KCNIP4: variants seen among roughly 807,000 people sequenced by gnomAD.
KCNIP4 encodes potassium voltage-gated channel interacting protein 4.
In KCNIP4, 12 loss-of-function variants were observed where a neutral mutation model predicts 34.0. The observed-to-expected ratio is 0.35, with a 90% CI of 0.23 to 0.57. The LOEUF (loss-of-function observed/expected upper bound fraction) is 0.57, where lower values mean the gene tolerates loss of function less well. Ranked by LOEUF, KCNIP4 falls within the 20% of genes least tolerant of loss-of-function variation. The probability of loss-of-function intolerance (pLI) is 0.83; values close to 1 mark genes in which losing one functional copy is unlikely to be tolerated. For synonymous variants in KCNIP4, 124 were observed against 102.2 expected, an observed-to-expected ratio of 1.21 and a Z score of -1.29; for missense variants, 238 against 311.7, an observed-to-expected ratio of 0.76 and a Z score of 1.78.
At chr4:20,889,851 C>T (rs983546257) in intron 1 of KCNIP4, among the ~76,000 whole-genome samples, 1 of 150,392 alleles carries the variant, frequency 6.6e-6, no homozygotes, top group Non-Finnish European at 1.5e-5. Flanking sequence ...ACTAACATAA[C>T]ACTTTAAAGA....
At chr4:21,687,034 T>C (rs905481935) in intron 1 of KCNIP4, among the ~76,000 whole-genome samples, 9 of 146,722 alleles carry the variant, frequency 6.1e-5, no homozygotes, top group African/African-American at 2.0e-4. Flanking sequence ...ATGGATGAAA[T>C]TGGAAATCAT....
chr4:20,978,075 G>T (rs1735662360), intron 1 of KCNIP4, among the ~76,000 whole-genome samples: 1 of 152,104 alleles, frequency 6.6e-6, no homozygotes, highest in Non-Finnish European at 1.5e-5. Context: ...AGAATTGAAA[G>T]TGTTGCTTTT....
intron 1 of KCNIP4, among the ~76,000 whole-genome samples, chr4:20,964,199 G>A (rs1039512482): frequency 6.6e-6 from 1 of 152,106 alleles, no homozygotes; most frequent in South Asian, 2.1e-4. Flanking sequence ...AGAAGCTTGA[G>A]TTTCAGGAAA....
At chr4:20,809,254 A>T (rs1292011108) in intron 3 of KCNIP4, among the ~76,000 whole-genome samples, 1 of 152,206 alleles carries the variant, frequency 6.6e-6, no homozygotes, top group Non-Finnish European at 1.5e-5. Flanking sequence ...TTTTTTAAAG[A>T]AGAAATGCAA....
intron 1 of KCNIP4, among the ~76,000 whole-genome samples, chr4:21,244,666 A>AAT (rs1031563707): frequency 5.3e-5 from 8 of 152,218 alleles, no homozygotes; most frequent in Admixed American, 6.5e-5. Context: ...TGATTCTAAA[A>AAT]ATATTTCTTT....
In KCNIP4 at chr4:21,785,825, T is replaced by A. The variant is rs570402116; in HGVS notation, c.61+162746A>T. 2.2e-4 allele frequency among the ~76,000 whole-genome samples: 34 copies of A among 152,354 alleles called. No homozygotes were observed. The South Asian group carries it at 6.0e-3, about 27-fold the overall frequency. ...CAAACAATATTTCATTGTACGGATA[T>A]GTCACATTTTATTTATCCATTCGTC... On this transcript the variant is annotated intron_variant, in intron 1 of 8. Coordinates refer to ENST00000382152, the MANE Select transcript of KCNIP4 (RefSeq NM_025221.6).
At chr4:21,269,105 G>C (rs1012348267) in intron 1 of KCNIP4, among the ~76,000 whole-genome samples, 1 of 152,170 alleles carries the variant, frequency 6.6e-6, no homozygotes, top group East Asian at 1.9e-4. Context: ...TTATAGAGGA[G>C]AGTGATATAA....
At position 21,308,815 on chromosome 4, in the gene KCNIP4, A is replaced by G. The variant is rs144078260; in HGVS notation, c.62-426106T>C. ...GTTTGCCAAAATTTTCTTCTCTGCAATGCATTCTCACGTAACTACTGAGGA... is the reference window on the plus strand; with the variant it reads ...GTTTGCCAAAATTTTCTTCTCTGCAGTGCATTCTCACGTAACTACTGAGGA... On this transcript the variant is annotated intron_variant, in intron 1 of 8. Transcript: ENST00000382152. Among the ~76,000 whole-genome samples, 45 of 152,204 alleles carry G rather than the reference A, an allele frequency of 3.0e-4. 2 individuals carry two copies. The East Asian group carries it at 8.3e-3, about 28-fold the overall frequency.
At chr4:20,939,857 C>T (rs1731460728) in intron 1 of KCNIP4, among the ~76,000 whole-genome samples, 1 of 152,166 alleles carries the variant, frequency 6.6e-6, no homozygotes, top group Non-Finnish European at 1.5e-5. Flanking sequence ...TGATGTTTTC[C>T]ACTTCATCCA....
chr4:21,317,963 T>C (rs1368006430), intron 1 of KCNIP4, among the ~76,000 whole-genome samples: 3 of 152,224 alleles, frequency 2.0e-5, no homozygotes, highest in African/African-American at 7.2e-5. Context: ...CTCTTTATTT[T>C]GTAAATTGCC....
At chr4:21,437,075 C>T (rs1002946718) in intron 1 of KCNIP4, among the ~76,000 whole-genome samples, 2 of 152,144 alleles carry the variant, frequency 1.3e-5, no homozygotes, top group East Asian at 3.9e-4. Context: ...ATTTATTTTG[C>T]CTCATCCCCT....
At chr4:20,957,801 C>A (rs1733467779) in intron 1 of KCNIP4, among the ~76,000 whole-genome samples, 1 of 152,090 alleles carries the variant, frequency 6.6e-6, no homozygotes, top group Non-Finnish European at 1.5e-5. Context: ...AATTTAATCA[C>A]CAAACTGATA....
chr4:20,743,527 C>T (rs1220622931), intron 5 of KCNIP4, among the ~76,000 whole-genome samples: 2 of 152,082 alleles, frequency 1.3e-5, no homozygotes, highest in Non-Finnish European at 2.9e-5. Context: ...GGAAAGGATT[C>T]CCTATTTAAT....
intron 1 of KCNIP4, among the ~76,000 whole-genome samples, chr4:21,104,609 T>G (rs1452440093): frequency 6.6e-6 from 1 of 152,108 alleles, no homozygotes; most frequent in South Asian, 2.1e-4. Context: ...TTAGATCCCA[T>G]TTGTCAATTT....
At chr4:21,711,131 T>C (rs1470656013) in intron 1 of KCNIP4, among the ~76,000 whole-genome samples, 2 of 152,156 alleles carry the variant, frequency 1.3e-5, no homozygotes, top group Non-Finnish European at 2.9e-5. Context: ...ATTTCGTTTG[T>C]ATAACATTGC....
intron 1 of KCNIP4, among the ~76,000 whole-genome samples, chr4:21,340,289 A>G (rs10516382): frequency 0.034 from 5,170 of 152,218 alleles, 224 homozygotes; most frequent in East Asian, 0.19. Context: ...AGATTTTTCA[A>G]ATGAATTCCT....
At chr4:20,936,855 A>G (rs1413978959) in intron 1 of KCNIP4, among the ~76,000 whole-genome samples, 1 of 152,220 alleles carries the variant, frequency 6.6e-6, no homozygotes, top group Non-Finnish European at 1.5e-5. Flanking sequence ...CACAGTTATT[A>G]AAGACAGAGT....
intron 1 of KCNIP4, among the ~76,000 whole-genome samples, chr4:21,425,980 G>A (rs1356372823): frequency 6.6e-6 from 1 of 152,124 alleles, no homozygotes; most frequent in Non-Finnish European, 1.5e-5. Flanking sequence ...TTTGAGCAGG[G>A]GAGGGAGAGG....
intron 1 of KCNIP4, among the ~76,000 whole-genome samples, chr4:21,218,358 T>C (rs1757761150): frequency 6.6e-6 from 1 of 152,160 alleles, no homozygotes; most frequent in Non-Finnish European, 1.5e-5. Flanking sequence ...TTCCAGTACC[T>C]GAAATTATGT....
Sources: allele counts gnomAD v4.1 joint callset (sites outside exome capture counted in the v4.1 genomes callset), GRCh38; gene constraint gnomAD v4.1.1; transcripts MANE v1.5; gene names NCBI Gene and HGNC (gene_info 2026-07-23, HGNC 2026-07-21).